Variants in ADA observed in about 807,000 individuals in gnomAD.
The protein encoded by ADA is adenosine deaminase, also known as adenosine aminohydrolase.
In ADA, 45 loss-of-function variants were observed where a neutral mutation model predicts 49.0. The observed-to-expected ratio is 0.92, with a 90% CI of 0.72 to 1.18. The LOEUF (loss-of-function observed/expected upper bound fraction) is 1.18, where lower values mean the gene tolerates loss of function less well. Among genes scored for constraint, ADA ranks in the 50% most tolerant of loss-of-function variants. The pLI is 0.00. For missense variants in ADA, 445 were observed against 472.5 expected, an observed-to-expected ratio of 0.94 and a Z score of 0.54; for synonymous variants, 173 against 184.2, an observed-to-expected ratio of 0.94 and a Z score of 0.49.
chr20:44,648,119 C>T (rs1210133023), intron 1 of ADA, among the ~76,000 whole-genome samples: 1 of 152,168 alleles, frequency 6.6e-6, no homozygotes, highest in Non-Finnish European at 1.5e-5. Context: ...ATTATTGTAA[C>T]AGGCATGTGA....
intron 6 of ADA, among the ~76,000 whole-genome samples, chr20:44,623,740 C>G (rs988888077): frequency 1.4e-5 from 2 of 145,804 alleles, no homozygotes; most frequent in African/African-American, 5.1e-5. Context: ...TTTTCTCTTT[C>G]TTCTTTCTTC....
At chr20:44,620,594 A>T in intron 10 of ADA, 193 bp from the exon 11 acceptor site, 1 of 652,764 alleles carries the variant, frequency 1.5e-6, no homozygotes, top group South Asian at 1.7e-5. Flanking sequence ...TTGTCATTAC[A>T]TGAAAAAGGG....
At chr20:44,622,013 T>TCAC (rs1458101801) in intron 9 of ADA, among the ~76,000 whole-genome samples, 1 of 152,162 alleles carries the variant, frequency 6.6e-6, no homozygotes, top group Non-Finnish European at 1.5e-5. Context: ...CTGACCATGG[T>TCAC]CACCCTGAGT....
At chr20:44,619,945 C>T (rs1343331605) in intron 11 of ADA, 98 bp from the exon 12 acceptor site, 1 of 1,489,974 alleles carries the variant, frequency 6.7e-7, no homozygotes, top group Non-Finnish European at 9.3e-7. Context: ...GGAACTCCTT[C>T]CTATGATGGC....
intron 1 of ADA, among the ~76,000 whole-genome samples, chr20:44,640,733 T>C (rs149860114): frequency 1.3e-5 from 2 of 152,000 alleles, no homozygotes; most frequent in Non-Finnish European, 2.9e-5. Flanking sequence ...AGGAAGAGTT[T>C]ATCCTGGATT....
intron 3 of ADA, among the ~76,000 whole-genome samples, chr20:44,627,461 G>A (rs550456636): frequency 3.9e-5 from 6 of 152,186 alleles, no homozygotes; most frequent in Non-Finnish European, 8.8e-5. Flanking sequence ...GGATACAGGC[G>A]TGAGCCACTG....
rs751830380 is a variant in ADA at position 44,623,086 on chromosome 20, G to A, written c.607-8C>T. 1.2e-6 allele frequency: 2 copies of A among 1,613,990 alleles called. No homozygotes were observed. The highest frequency in any genetic ancestry group is 4.5e-5 in the East Asian group (2 of 44,872). On this transcript the variant is annotated splice_polypyrimidine_tract_variant and splice_region_variant and intron_variant, in intron 6 of 11. Transcript: ENST00000372874. ...GCCGCTCTTCACAGCCTCCTGGAAG[G>A]GGGAGAGCCAGGTCATGGGTGCCCT...
At chr20:44,636,890 C>T (rs1382248868) in intron 1 of ADA, among the ~76,000 whole-genome samples, 3 of 152,158 alleles carry the variant, frequency 2.0e-5, no homozygotes, top group Non-Finnish European at 4.4e-5. Context: ...ACTGCAACCT[C>T]CACCTCCTGG....
chr20:44,640,834 C>T lies in ADA; in HGVS notation c.34-4546G>A, dbSNP rs917032705. Among the ~76,000 whole-genome samples the T allele has an allele frequency of 3.3e-5, 5 of 151,868 alleles. No homozygotes were observed. The East Asian group carries it at 7.7e-4, about 23-fold the overall frequency. On this transcript the variant is annotated intron_variant, in intron 1 of 11. Coordinates refer to ENST00000372874, the MANE Select transcript of ADA (RefSeq NM_000022.4). ...AAACACACACAAGAGGAAGCAGCAA[C>T]GTGACCTCAGAGGCAGAGACTGGAA...
chr20:44,642,750 G>A (rs1212010390), intron 1 of ADA, among the ~76,000 whole-genome samples: 1 of 152,196 alleles, frequency 6.6e-6, no homozygotes. Context: ...ACCAGCTACT[G>A]CGGGAGGGAA....
chr20:44,629,373 C>T (rs1312522614), intron 2 of ADA, among the ~76,000 whole-genome samples: 1 of 152,208 alleles, frequency 6.6e-6, no homozygotes, highest in Non-Finnish European at 1.5e-5. Context: ...CCTTCTACCC[C>T]CAATGCACAA....
chr20:44,635,010 T>C (rs937387746), intron 2 of ADA, among the ~76,000 whole-genome samples: 2 of 152,188 alleles, frequency 1.3e-5, no homozygotes, highest in Non-Finnish European at 2.9e-5. Flanking sequence ...AGCCCCTAGC[T>C]CCTAGGTCAT....
chr20:44,622,800 G>T (rs1180775512), intron 8 of ADA, 29 bp downstream of exon 8: 2 of 1,614,184 alleles, frequency 1.2e-6, no homozygotes, highest in East Asian at 4.5e-5. Flanking sequence ...AGCCGGGGAT[G>T]GTTCCTCCCC....
intron 9 of ADA, 70 bp downstream of exon 9, chr20:44,622,504 GGGCTGATGCCCAAT>G: frequency 6.6e-7 from 1 of 1,509,752 alleles, no homozygotes; most frequent in South Asian, 1.1e-5. Context: ...GACGCGGCAT[GGGCTGATGCCCAAT>G]CCCTAAAGTT....
At chr20:44,619,914 A>G (rs781628288) in intron 11 of ADA, 67 bp from the exon 12 acceptor site, 4 of 1,599,576 alleles carry the variant, frequency 2.5e-6, no homozygotes, top group South Asian at 2.2e-5. Flanking sequence ...TGTAAAAATC[A>G]TAGAACACCA....
In ADA at chr20:44,649,058, G is replaced by C. The variant is rs151158587; in HGVS notation, c.33+2517C>G. On this transcript the variant is annotated intron_variant, in intron 1 of 11. Transcript: ENST00000372874. Reference sequence around the variant, plus strand: ...CAAAGGCTTCTGCAGAGGTAGTTTAGGAAAGATGGTTAGAGGCATGGGATT... The same window carrying C: ...CAAAGGCTTCTGCAGAGGTAGTTTACGAAAGATGGTTAGAGGCATGGGATT... Among the ~76,000 whole-genome samples the C allele has an allele frequency of 3.3e-5, 5 of 152,158 alleles. No individual in the cohort carries two copies. The East Asian group carries it at 9.6e-4, about 29-fold the overall frequency.
At chr20:44,625,075 T>C (rs576169344) in intron 5 of ADA, among the ~76,000 whole-genome samples, 85 of 152,332 alleles carry the variant, frequency 5.6e-4, no homozygotes, top group African/African-American at 2.0e-3. Context: ...AACTGAGGTG[T>C]CTTGGTGCAT....
At chr20:44,641,713 G>A (rs1276962679) in intron 1 of ADA, among the ~76,000 whole-genome samples, 1 of 152,024 alleles carries the variant, frequency 6.6e-6, no homozygotes. Context: ...CTGGTGGGGG[G>A]AGGTCTGCAT....
chr20:44,642,097 A>G lies in ADA; in HGVS notation c.34-5809T>C, dbSNP rs189196938. 1.1e-3 allele frequency among the ~76,000 whole-genome samples: 175 copies of G among 152,180 alleles called. 1 individual carries two copies. Among genetic ancestry groups the G allele is most frequent in the African/African-American group, 4.1e-3 (172 of 41,512 alleles). On this transcript the variant is annotated intron_variant, in intron 1 of 11. Transcript: ENST00000372874. ...AAAAGTATTTAAATGCCAATTCAAG[A>G]GCCCACCTCCCAGCTCTGCTTTACT...
Sources: allele counts gnomAD v4.1 joint callset (sites outside exome capture counted in the v4.1 genomes callset), GRCh38; gene constraint gnomAD v4.1.1; transcripts MANE v1.5; gene names NCBI Gene and HGNC (gene_info 2026-07-23, HGNC 2026-07-21).